Variants in MRPL3 observed in about 807,000 individuals in gnomAD.
MRPL3 encodes mitochondrial ribosomal protein L3.
Under a neutral mutation model 44.3 loss-of-function variants are expected in MRPL3, and 43 were observed. That is an observed-to-expected ratio of 0.97 (90% CI 0.76 to 1.25). The LOEUF is 1.25. Ranked by LOEUF, MRPL3 falls within the 50% of genes most tolerant of loss-of-function variation. The pLI is 0.00. For synonymous variants in MRPL3, 171 were observed against 152.3 expected, an observed-to-expected ratio of 1.12 and a Z score of -0.91; for missense variants, 406 against 427.6, an observed-to-expected ratio of 0.95 and a Z score of 0.45.
chr3:131,491,305 A>T (rs1934251042), intron 4 of MRPL3, among the ~76,000 whole-genome samples: 1 of 152,136 alleles, frequency 6.6e-6, no homozygotes. Flanking sequence ...TACTGAATCT[A>T]CCAGCAATGC....
At chr3:131,465,733 G>A (rs1933585670) in intron 9 of MRPL3, among the ~76,000 whole-genome samples, 1 of 152,020 alleles carries the variant, frequency 6.6e-6, no homozygotes, top group Non-Finnish European at 1.5e-5. Context: ...AAAATACCAC[G>A]GGAAGTACAA....
chr3:131,467,965 G>A, intron 9 of MRPL3, 126 bp downstream of exon 9: 1 of 469,086 alleles, frequency 2.1e-6, no homozygotes, highest in South Asian at 5.7e-5. Context: ...ACATATATGA[G>A]AAAAAGGAGA....
intron 9 of MRPL3, among the ~76,000 whole-genome samples, chr3:131,467,799 G>C (rs982509802): frequency 6.6e-6 from 1 of 151,952 alleles, no homozygotes; most frequent in Admixed American, 6.6e-5. Context: ...ATTCTATTAG[G>C]ATGGACTAAT....
chr3:131,501,655 C>T lies in MRPL3; in HGVS notation c.153G>A (p.Glu51=), dbSNP rs549245531. 2.5e-6 allele frequency: 4 copies of T among 1,613,706 alleles called. No homozygotes were observed. In the African/African-American group the frequency reaches 4.0e-5, roughly 16 times the overall value. ...ATGGGACATTTTCTTCAGAAAGATG[C>T]TCATCCCACCATGTACCACTCTTTC... ...LHGKSGTWWD[E]HLSEENVPFI... The change falls in exon 2 of 10, where the codon GAG becomes GAA. Residue 51 remains glutamate, a synonymous_variant. Transcript: ENST00000264995.
intron 9 of MRPL3, among the ~76,000 whole-genome samples, chr3:131,467,098 T>C (rs1244897675): frequency 6.6e-6 from 1 of 152,158 alleles, no homozygotes; most frequent in Non-Finnish European, 1.5e-5. Flanking sequence ...TTTGTCTTTC[T>C]GTGCCTAGCT....
Position 131,486,720 on chromosome 3 carries a change from C to T in MRPL3, c.629+960G>A, listed in dbSNP as rs58605119. Among the ~76,000 whole-genome samples the T allele has an allele frequency of 6.0e-3, 914 of 152,072 alleles. 13 individuals carry two copies. The highest frequency in any genetic ancestry group is 0.021 in the African/African-American group (852 of 41,498). On this transcript the variant is annotated intron_variant, in intron 6 of 9. Coordinates refer to ENST00000264995, the MANE Select transcript of MRPL3 (RefSeq NM_007208.4). The stretch of plus-strand genomic sequence containing the variant: ...AGACACATGAAAAAATGCTCATCAC[C>T]GGTCATCAAAGAAATGCAAATCAAA...
chr3:131,492,855 A>G (rs893969871), intron 4 of MRPL3, among the ~76,000 whole-genome samples: 2 of 152,196 alleles, frequency 1.3e-5, no homozygotes, highest in African/African-American at 4.8e-5. Context: ...GCTATTGTAA[A>G]TATCACTACA....
intron 6 of MRPL3, among the ~76,000 whole-genome samples, chr3:131,471,937 G>T (rs1049724368): frequency 4.6e-5 from 7 of 152,070 alleles, no homozygotes; most frequent in African/African-American, 1.7e-4. Context: ...AGGACCTGAG[G>T]TCTGCCAATG....
chr3:131,502,451 T>C (rs767800922), intron 1 of MRPL3, among the ~76,000 whole-genome samples: 15 of 152,218 alleles, frequency 9.9e-5, no homozygotes, highest in Non-Finnish European at 4.4e-5. Context: ...CTAATACACT[T>C]AGCAGAGCGC....
chr3:131,502,788 C>T lies in MRPL3; in HGVS notation c.34G>A (p.Ala12Thr), dbSNP rs368855860. Residue 12 changes from alanine (A) to threonine (T), a missense_variant, in exon 1 of 10, where the codon GCC becomes ACC. By Grantham distance (58) the Ala-to-Thr change is moderately conservative. Transcript: ENST00000264995. ...PGWRLLTQVG[A>T]QVLGRLGDGL... ...TCCCCGAGTCGACCCAGCACCTGGG[C>T]GCCGACCTGCGTCAGCAGCCTCCAA... The T allele has an allele frequency of 1.3e-4, 207 of 1,612,386 alleles. No homozygotes were observed. Among genetic ancestry groups the T allele is most frequent in the Non-Finnish European group, 1.7e-4 (202 of 1,179,410 alleles).
intron 6 of MRPL3, among the ~76,000 whole-genome samples, chr3:131,479,594 C>T (rs904060345): frequency 6.6e-6 from 1 of 152,116 alleles, no homozygotes; most frequent in Non-Finnish European, 1.5e-5. Context: ...GCCTGTAATC[C>T]CAGTACTTTG....
intron 6 of MRPL3, 27 bp from the exon 7 acceptor site, chr3:131,471,306 C>T (rs1365454911): frequency 6.7e-7 from 1 of 1,494,158 alleles, no homozygotes; most frequent in African/African-American, 1.4e-5. Context: ...TTAGAATTTA[C>T]ATAATGAAAA....
intron 6 of MRPL3, among the ~76,000 whole-genome samples, chr3:131,480,219 T>C (rs1205143280): frequency 2.6e-5 from 4 of 152,186 alleles, no homozygotes; most frequent in Non-Finnish European, 4.4e-5. Flanking sequence ...CATTTCCACA[T>C]AGCATCTCTA....
rs371737557 is a variant in MRPL3, at chr3:131,501,587, G to A, written c.221C>T (p.Ala74Val). The A allele has an allele frequency of 6.2e-7, 1 of 1,612,194 alleles. No individual in the cohort carries two copies. Among genetic ancestry groups the A allele is most frequent in the East Asian group, 2.2e-5 (1 of 44,870 alleles). The change falls in exon 2 of 10, where the codon GCA (alanine) becomes GTA (valine). Residue 74 changes from alanine to valine, a missense_variant. Ala to Val is a moderately conservative substitution (Grantham distance 64, BLOSUM62 0). Transcript: ENST00000264995. ...LVSDEDKAQL[A>V]SKLCPLKDEP... is the part of the protein sequence containing the mutation. Reference sequence around the variant, plus strand: ...ATCTTTCAGAGGACACAGTTTACTTGCTAATTGGGCTTTATCTTCATCAGA... The same window carrying A: ...ATCTTTCAGAGGACACAGTTTACTTACTAATTGGGCTTTATCTTCATCAGA...
intron 6 of MRPL3, chr3:131,479,342 T>G (rs992180372): frequency 7.8e-6 from 2 of 256,936 alleles, no homozygotes; most frequent in Non-Finnish European, 1.6e-5. Context: ...GAAAGGACAC[T>G]TGACTTCTTT....
chr3:131,480,661 G>A (rs544575938), intron 6 of MRPL3, among the ~76,000 whole-genome samples: 2 of 152,174 alleles, frequency 1.3e-5, no homozygotes, highest in Non-Finnish European at 2.9e-5. Context: ...GCTGTCCTGG[G>A]CACACTCTGT....
At chr3:131,490,133 T>A in intron 4 of MRPL3, 53 bp from the exon 5 acceptor site, 1 of 1,267,808 alleles carries the variant, frequency 7.9e-7, no homozygotes, top group Non-Finnish European at 1.1e-6. Context: ...AAAGTGGAAT[T>A]AAATGCATGG....
intron 6 of MRPL3, among the ~76,000 whole-genome samples, chr3:131,481,904 T>C (rs1279130927): frequency 1.3e-5 from 2 of 152,228 alleles, no homozygotes; most frequent in African/African-American, 2.4e-5. Flanking sequence ...AACTGTATCC[T>C]GAAGGCAGCA....
rs1360574377 is a variant in MRPL3 at position 131,501,643 on chromosome 3, T to C, written c.165A>G (p.Glu55=). Residue 55 remains glutamate (E), a synonymous_variant, in exon 2 of 10, where the codon GAA becomes GAG. Transcript: ENST00000264995. ...SGTWWDEHLS[E]ENVPFIKQLV... is the part of the protein sequence containing the mutation. ...ACTGCTTAATGAATGGGACATTTTCTTCAGAAAGATGCTCATCCCACCATG... is the reference window on the plus strand; with the variant it reads ...ACTGCTTAATGAATGGGACATTTTCCTCAGAAAGATGCTCATCCCACCATG... 2.5e-6 allele frequency: 4 copies of C among 1,613,548 alleles called. No homozygotes were observed. The highest frequency in any genetic ancestry group is 3.4e-6 in the Non-Finnish European group (4 of 1,179,962).
Sources: gnomAD v4.1 joint callset for allele counts (sites outside exome capture counted in the v4.1 genomes callset) on GRCh38, gnomAD v4.1.1 for gene constraint, MANE v1.5 for transcripts, NCBI Gene and HGNC (gene_info 2026-07-23, HGNC 2026-07-21) for gene names.